The following NAV3 variants were observed in gnomAD, a reference collection of about 807,000 sequenced individuals.
NAV3 encodes neuron navigator 3.
NAV3 carries 87 observed loss-of-function variants against 244.7 expected under a neutral mutation model. The ratio of observed to expected loss-of-function variants is 0.36; its 90% CI spans 0.30 to 0.42. NAV3 has a LOEUF of 0.42. NAV3 is among the 20% of genes least tolerant of loss of function. NAV3 has a pLI of 1.00. For synonymous variants in NAV3, 1,126 were observed against 1,042.2 expected, an observed-to-expected ratio of 1.08 and a Z score of -1.55; for missense variants, 2,663 against 2,893.3, an observed-to-expected ratio of 0.92 and a Z score of 1.83.
rs575170363 is a variant in NAV3, at chr12:77,865,778, T to A, written c.243+34074T>A. Among the ~76,000 whole-genome samples the A allele has an allele frequency of 2.0e-3, 229 of 117,316 alleles. 1 individual carries two copies. Among genetic ancestry groups the A allele is most frequent in the African/African-American group, 6.9e-3 (221 of 32,004 alleles). The allele number at this position is 117,316 out of a possible 152,430, so 77.0% of individuals were successfully genotyped here. On this transcript the variant is annotated intron_variant, in intron 1 of 39. Coordinates refer to ENST00000397909, the MANE Select transcript of NAV3 (RefSeq NM_001024383.2). ...CATATACACATATACTACATATATA[T>A]GCATATACACGTATATATGCGTGTG...
intron 22 of NAV3, among the ~76,000 whole-genome samples, chr12:78,155,749 C>CT (rs991930874): frequency 4.0e-5 from 6 of 151,470 alleles, no homozygotes; most frequent in South Asian, 4.2e-4. Context: ...TGATGTTACC[C>CT]TTTTTTTTAT....
At chr12:77,606,715 C>T (rs1246523038) in intron 2 of NAV3, among the ~76,000 whole-genome samples, 1 of 152,014 alleles carries the variant, frequency 6.6e-6, no homozygotes, top group African/African-American at 2.4e-5. Context: ...ATGAAGACTC[C>T]CATCATATTT....
At chr12:78,142,137 T>A (rs1018105307) in intron 20 of NAV3, among the ~76,000 whole-genome samples, 1 of 152,094 alleles carries the variant, frequency 6.6e-6, no homozygotes, top group East Asian at 1.9e-4. Context: ...GAAATGATAT[T>A]CTTCCTAAAT....
intron 1 of NAV3, among the ~76,000 whole-genome samples, chr12:77,921,408 C>T (rs1887700927): frequency 6.6e-6 from 1 of 151,974 alleles, no homozygotes; most frequent in African/African-American, 2.4e-5. Context: ...AAGGTAGGAA[C>T]CATTCACTTA....
intron 2 of NAV3, among the ~76,000 whole-genome samples, chr12:77,805,747 G>A (rs1565820812): frequency 6.6e-6 from 1 of 152,158 alleles, no homozygotes; most frequent in Non-Finnish European, 1.5e-5. Context: ...AATGGTACCA[G>A]CTCCTCTTTG....
chr12:78,023,743 G>T (rs762469695), intron 9 of NAV3, among the ~76,000 whole-genome samples: 2 of 152,194 alleles, frequency 1.3e-5, no homozygotes, highest in Non-Finnish European at 2.9e-5. Context: ...GAGCAGGCCA[G>T]TGATAAGATG....
chr12:77,587,078 G>T (rs575763703), intron 2 of NAV3, among the ~76,000 whole-genome samples: 1 of 152,048 alleles, frequency 6.6e-6, no homozygotes, highest in Admixed American at 6.6e-5. Flanking sequence ...CCAAACTTAA[G>T]AAGTATATAC....
chr12:77,856,497 A>C (rs1473252147), intron 1 of NAV3, among the ~76,000 whole-genome samples: 1 of 152,164 alleles, frequency 6.6e-6, no homozygotes, highest in Non-Finnish European at 1.5e-5. Context: ...TATTTGAATA[A>C]GACTATATTT....
chr12:77,824,908 A>G (rs1454742239), intron 2 of NAV3, among the ~76,000 whole-genome samples: 1 of 116,278 alleles, frequency 8.6e-6, no homozygotes, highest in Non-Finnish European at 2.0e-5. Context: ...AACAACAACA[A>G]CAACAACAAC....
At chr12:78,059,253 T>TTC (rs1883961540) in intron 12 of NAV3, 138 bp downstream of exon 12, 1 of 844,292 alleles carries the variant, frequency 1.2e-6, no homozygotes, top group African/African-American at 1.8e-5. Flanking sequence ...TTTTGATAAA[T>TTC]AATTATTTAG....
At chr12:77,810,522 A>G (rs1163982323) in intron 2 of NAV3, among the ~76,000 whole-genome samples, 2 of 152,164 alleles carry the variant, frequency 1.3e-5, no homozygotes, top group African/African-American at 4.8e-5. Flanking sequence ...CTTAGTGAAT[A>G]ATTGAATGGT....
chr12:78,097,563 T>G (rs2138146771), intron 12 of NAV3, among the ~76,000 whole-genome samples: 1 of 152,356 alleles, frequency 6.6e-6, no homozygotes, highest in South Asian at 2.1e-4. Flanking sequence ...GTTCTGAATG[T>G]TTTAAAATGG....
chr12:77,924,921 A>G (rs536928717), intron 1 of NAV3, among the ~76,000 whole-genome samples: 71 of 151,924 alleles, frequency 4.7e-4, no homozygotes, highest in Admixed American at 1.4e-3. Context: ...TAATCCTACG[A>G]GATAGGCAGG....
intron 12 of NAV3, among the ~76,000 whole-genome samples, chr12:78,071,404 G>T (rs901622924): frequency 5.9e-5 from 9 of 151,430 alleles, no homozygotes; most frequent in Admixed American, 1.3e-4. Context: ...GGGGTTGTTT[G>T]TTTTTTTTCT....
At chr12:77,861,006 AC>A (rs1257293085) in intron 1 of NAV3, among the ~76,000 whole-genome samples, 1 of 151,904 alleles carries the variant, frequency 6.6e-6, no homozygotes, top group Non-Finnish European at 1.5e-5. Context: ...TAAAAGCATA[AC>A]ATTGCAAAAT....
chr12:77,959,307 G>T (rs1479826361), intron 3 of NAV3, among the ~76,000 whole-genome samples: 1 of 151,946 alleles, frequency 6.6e-6, no homozygotes, highest in Non-Finnish European at 1.5e-5. Context: ...TAATTCTTAA[G>T]TGTAGTAGAG....
chr12:77,683,579 G>T (rs10160887), intron 2 of NAV3, among the ~76,000 whole-genome samples: 1 of 152,108 alleles, frequency 6.6e-6, no homozygotes, highest in Non-Finnish European at 1.5e-5. Flanking sequence ...AATTTTGATA[G>T]AGATTGCACT....
chr12:78,176,332 A>C, intron 25 of NAV3, 107 bp from the exon 26 acceptor site: 1 of 1,087,396 alleles, frequency 9.2e-7, no homozygotes, highest in East Asian at 2.7e-5. Flanking sequence ...ATAATGAAAG[A>C]AATATCTTTT....
intron 2 of NAV3, among the ~76,000 whole-genome samples, chr12:77,737,898 T>C (rs1877402727): frequency 6.6e-6 from 1 of 152,180 alleles, no homozygotes; most frequent in African/African-American, 2.4e-5. Flanking sequence ...TGTGTTTCTT[T>C]AGTTTCCTTT....
Sources: gnomAD v4.1 joint callset for allele counts (sites outside exome capture counted in the v4.1 genomes callset) on GRCh38, gnomAD v4.1.1 for gene constraint, MANE v1.5 for transcripts, NCBI Gene and HGNC (gene_info 2026-07-23, HGNC 2026-07-21) for gene names.